Variants in GRHL1 observed in about 807,000 individuals in gnomAD.
GRHL1 encodes the protein grainyhead like transcription factor 1, also known as grainyhead-like protein 1 homolog.
Under a neutral mutation model 75.7 loss-of-function variants are expected in GRHL1, and 38 were observed. The observed-to-expected ratio is 0.50, with a 90% CI of 0.39 to 0.66. The LOEUF (loss-of-function observed/expected upper bound fraction) is 0.66. Among genes scored for constraint, GRHL1 ranks in the 30% least tolerant of loss-of-function variants. GRHL1 has a pLI of 0.00. For synonymous variants in GRHL1, 266 were observed against 279.4 expected, an observed-to-expected ratio of 0.95 and a Z score of 0.48; for missense variants, 589 against 767.5, an observed-to-expected ratio of 0.77 and a Z score of 2.75.
intron 13 of GRHL1, among the ~76,000 whole-genome samples, 170 bp from the exon 14 acceptor site, chr2:9,996,146 C>T (rs2125246549): frequency 6.6e-6 from 1 of 152,336 alleles, no homozygotes; most frequent in South Asian, 2.1e-4. Flanking sequence ...GAAGCTGAAA[C>T]CTGTGTTCCT....
intron 8 of GRHL1, among the ~76,000 whole-genome samples, chr2:9,978,244 G>C (rs1668035997): frequency 6.6e-6 from 1 of 152,162 alleles, no homozygotes; most frequent in African/African-American, 2.4e-5. Flanking sequence ...AGTCCAACTT[G>C]GTAAGTGGTA....
intron 8 of GRHL1, among the ~76,000 whole-genome samples, chr2:9,975,338 C>T (rs573487739): frequency 2.0e-5 from 3 of 152,342 alleles, no homozygotes; most frequent in South Asian, 4.1e-4. Flanking sequence ...AAAGTGAATA[C>T]ACACAATAGA....
intron 8 of GRHL1, among the ~76,000 whole-genome samples, chr2:9,974,773 A>G (rs544706049): frequency 6.6e-6 from 1 of 152,344 alleles, no homozygotes; most frequent in South Asian, 2.1e-4. Context: ...TTCCCGAACT[A>G]TACATTCATT....
At position 9,964,271 on chromosome 2, in the gene GRHL1, A is replaced by G. The variant is rs535865682; in HGVS notation, c.940A>G (p.Arg314Gly). 1.2e-6 allele frequency: 2 copies of G among 1,612,568 alleles called. No homozygotes were observed. Among genetic ancestry groups the G allele is most frequent in the Admixed American group, 3.3e-5 (2 of 59,922 alleles). The change falls in exon 7 of 16, where the codon AGA (arginine) becomes GGA (glycine). Residue 314 changes from arginine (R) to glycine (G), a missense_variant. Physicochemically the swap from Arg to Gly is moderately radical, Grantham distance 125. This residue lies in a region of GRHL1 where 362 missense variants were observed against 461.8 expected (regional missense o/e 0.78). Transcript: ENST00000324907. ...GGTGGTTTTTGCTGAAGACAAAAGC[A>G]GAGAAGATCAGTTAAGGCATTGGAA... ...IMVVFAEDKSREDQLRHWKYW... is the reference protein window; with the variant it reads ...IMVVFAEDKSGEDQLRHWKYW...
Position 9,996,321 on chromosome 2 carries a change from C to T in GRHL1, c.1597C>T (p.Leu533Phe). 1 of 1,608,238 alleles carries T rather than the reference C, an allele frequency of 6.2e-7. No individual in the cohort carries two copies. The highest frequency in any genetic ancestry group is 8.5e-7 in the Non-Finnish European group (1 of 1,174,704). ...ARIEEPKRVL[L>F]YVRKESEEVF... ...CCTGGTTGGGGATTGATTAGTGCTGCTCTACGTTCGAAAGGAGTCAGAAGA... is the reference window on the plus strand; with the variant it reads ...CCTGGTTGGGGATTGATTAGTGCTGTTCTACGTTCGAAAGGAGTCAGAAGA... The change falls in exon 14 of 16, where the codon CTC (leucine) becomes TTC (phenylalanine). Residue 533 changes from leucine to phenylalanine, a missense_variant. By Grantham distance (22) the Leu-to-Phe change is conservative. Around this residue, in one of 5 missense-constraint regions of GRHL1, gnomAD observed 192 missense variants for 226.6 expected, o/e 0.85. Coordinates refer to ENST00000324907, the MANE Select transcript of GRHL1 (RefSeq NM_198182.3).
Position 9,998,972 on chromosome 2 carries a change from A to G in GRHL1, c.1685A>G (p.Asp562Gly), listed in dbSNP as rs1392272333. The G allele has an allele frequency of 6.4e-7, 1 of 1,564,236 alleles. No homozygotes were observed. The highest frequency in any genetic ancestry group is 1.2e-5 in the South Asian group (1 of 86,678). ...TTTTCTTTCCTCTTTTAGATCTCAG[A>G]CAAATACGATGTTCCCCATGACAAG... ...SLKGLMEAIS[D>G]KYDVPHDKIG... The change falls in exon 15 of 16, where the codon GAC (aspartate) becomes GGC (glycine). Residue 562 changes from aspartate to glycine, a missense_variant. This residue lies in a region of GRHL1 where 192 missense variants were observed against 226.6 expected (regional missense o/e 0.85). Coordinates refer to ENST00000324907, the MANE Select transcript of GRHL1 (RefSeq NM_198182.3).
chr2:9,962,440 A>C lies in GRHL1; in HGVS notation c.670-15A>C. On this transcript the variant is annotated splice_polypyrimidine_tract_variant and intron_variant, in intron 4 of 15. Coordinates refer to ENST00000324907, the MANE Select transcript of GRHL1 (RefSeq NM_198182.3). ...ACCAGTTAAATAGTTGTGGCTTATC[A>C]CATTGATATTTCAGGTTTTCTTCCC... The C allele has an allele frequency of 1.3e-6, 2 of 1,482,700 alleles. No homozygotes were observed. The highest frequency in any genetic ancestry group is 1.9e-6 in the Non-Finnish European group (2 of 1,059,986). The allele number at this position is 1,482,700 out of a possible 1,614,324, so 91.8% of individuals were successfully genotyped here.
At chr2:9,993,481 G>A (rs1668731943) in intron 12 of GRHL1, among the ~76,000 whole-genome samples, 2 of 152,216 alleles carry the variant, frequency 1.3e-5, no homozygotes, top group South Asian at 4.1e-4. Context: ...CACCAATAAT[G>A]TCCTTTATAG....
In GRHL1 at chr2:9,951,761, C is replaced by A; in HGVS notation, c.-73C>A. ...GACCCGCAGCCGCCGCCGCCGCCTC[C>A]TCCCCCCGGATCGGGTGTACTGTCC... On this transcript the variant is annotated 5_prime_UTR_variant, in exon 1 of 16. Coordinates refer to ENST00000324907, the MANE Select transcript of GRHL1 (RefSeq NM_198182.3). The surrounding 1 kb of genome is among the most constrained non-coding windows in gnomAD (Gnocchi z 4.2). The A allele has an allele frequency of 1.4e-6, 2 of 1,409,434 alleles. No individual in the cohort carries two copies. The highest frequency in any genetic ancestry group is 1.9e-6 in the Non-Finnish European group (2 of 1,051,556). 87.3% of individuals were successfully genotyped at this position (1,409,434 alleles called of 1,614,324 possible).
chr2:9,957,535 G>T (rs113778056), intron 2 of GRHL1, among the ~76,000 whole-genome samples: 1 of 151,822 alleles, frequency 6.6e-6, no homozygotes, highest in Non-Finnish European at 1.5e-5. Context: ...TCAGCCTCCC[G>T]AGTAGCTAGG....
At chr2:9,956,523 C>G (rs897728589) in intron 2 of GRHL1, among the ~76,000 whole-genome samples, 3 of 140,806 alleles carry the variant, frequency 2.1e-5, no homozygotes, top group Admixed American at 6.8e-5. Context: ...CAGACCCTAT[C>G]TCAAAAAAAA....
rs569607501 is a variant in GRHL1 at position 9,965,115 on chromosome 2, C to G, written c.1016-172C>G. On this transcript the variant is annotated intron_variant, in intron 7 of 15. Coordinates refer to ENST00000324907, the MANE Select transcript of GRHL1 (RefSeq NM_198182.3). ...TCTAAGCTTGCCTCTATTACAAAAA[C>G]TCTGTGATTCTTTTTCTTCGTATTT... The G allele has an allele frequency of 2.3e-5, 12 of 527,758 alleles. No homozygotes were observed. The East Asian group carries it at 3.2e-4, about 14-fold the overall frequency. 32.7% of individuals were successfully genotyped at this position (527,758 alleles called of 1,614,324 possible). A position where few individuals can be genotyped will look rare whatever the true frequency, so the allele number is the denominator to read the frequency against.
At chr2:9,989,162 T>G (rs954503842) in intron 9 of GRHL1, among the ~76,000 whole-genome samples, 2 of 152,192 alleles carry the variant, frequency 1.3e-5, no homozygotes, top group Non-Finnish European at 2.9e-5. Flanking sequence ...GCTACCACCT[T>G]CTAGAAAAGG....
rs1224464011 is a variant in GRHL1 at position 9,992,943 on chromosome 2, C to T, written c.1462-264C>T. On this transcript the variant is annotated intron_variant, in intron 11 of 15. Coordinates refer to ENST00000324907, the MANE Select transcript of GRHL1 (RefSeq NM_198182.3). This position sits in a 1 kb window ranked among gnomAD's most constrained non-coding sequence, Gnocchi z 4.6. ...TGCTGCCGAACTAGTGCACACATGG[C>T]CATAAGCAGCATGTGAATGAATGAG... Among the ~76,000 whole-genome samples, 2 of 152,188 alleles carry T rather than the reference C, an allele frequency of 1.3e-5. No individual in the cohort carries two copies. The highest frequency in any genetic ancestry group is 2.9e-5 in the Non-Finnish European group (2 of 68,030).
chr2:9,955,549 A>AG (rs1666976995), intron 2 of GRHL1, among the ~76,000 whole-genome samples: 1 of 152,222 alleles, frequency 6.6e-6, no homozygotes, highest in African/African-American at 2.4e-5. Context: ...TTCCAAGATC[A>AG]GGATATGTTT....
chr2:9,971,944 T>C (rs1667742514), intron 8 of GRHL1, among the ~76,000 whole-genome samples: 1 of 152,186 alleles, frequency 6.6e-6, no homozygotes, highest in Non-Finnish European at 1.5e-5. Context: ...GAAAACATGT[T>C]CCATGCAGAT....
chr2:9,961,415 C>T lies in GRHL1; in HGVS notation c.648C>T (p.Thr216=). The T allele has an allele frequency of 6.2e-7, 1 of 1,609,140 alleles. No homozygotes were observed. The highest frequency in any genetic ancestry group is 8.5e-7 in the Non-Finnish European group (1 of 1,175,824). ...CTCCAGACTCGACCTTCTCAGAGAC[C>T]TTCAAGGAAGGCGTTCAGGAGGTAA... ...RRTPDSTFSE[T]FKEGVQEVFF... is the part of the protein sequence containing the mutation. The change falls in exon 4 of 16, where the codon ACC becomes ACT. Residue 216 remains threonine, a synonymous_variant. Transcript: ENST00000324907.
In GRHL1 at chr2:10,002,053, T is replaced by G. The variant is rs1326370121; in HGVS notation, c.*1346T>G. 6.6e-6 allele frequency: 1 copy of G among 152,652 alleles called. No homozygotes were observed. Among genetic ancestry groups the G allele is most frequent in the East Asian group, 1.9e-4 (1 of 5,200 alleles). The allele number at this position is 152,652 out of a possible 1,614,324, so 9.5% of individuals were successfully genotyped here. A position where few individuals can be genotyped will look rare whatever the true frequency, so the allele number is the denominator to read the frequency against. On this transcript the variant is annotated 3_prime_UTR_variant, in exon 16 of 16. Coordinates refer to ENST00000324907, the MANE Select transcript of GRHL1 (RefSeq NM_198182.3). Reference sequence around the variant, plus strand: ...TATCTTTAGGTTCAGGGAACTAGACTAGGTCATTCGTGTAAATGGACTGGT... The same window carrying G: ...TATCTTTAGGTTCAGGGAACTAGACGAGGTCATTCGTGTAAATGGACTGGT...
rs528205948 is a variant in GRHL1 at position 9,996,399 on chromosome 2, G to A, written c.1675G>A (p.Ala559Thr). 46 of 1,590,246 alleles carry A rather than the reference G, an allele frequency of 2.9e-5. No individual in the cohort carries two copies. In the South Asian group the frequency reaches 4.9e-4, roughly 17 times the overall value. The part of the protein sequence containing the change: ...KTPSLKGLME[A>T]ISDKYDVPHD... ...CCCATCTTTGAAGGGCTTGATGGAA[G>A]CTGTAAGTAGGATCAACTCTGTAAT... Residue 559 changes from alanine to threonine, a missense_variant and splice_region_variant, in exon 14 of 16, where the codon GCT becomes ACT. Transcript: ENST00000324907.
Sources: gnomAD v4.1 joint callset for allele counts (sites outside exome capture counted in the v4.1 genomes callset) on GRCh38, gnomAD v4.1.1 for gene constraint, gnomAD v4.1.1 regional missense constraint, Gnocchi (gnomAD v3.1) non-coding constraint, MANE v1.5 for transcripts, NCBI Gene and HGNC (gene_info 2026-07-23, HGNC 2026-07-21) for gene names.